Variants in SNTG2 observed in about 807,000 individuals in gnomAD.
The protein encoded by SNTG2 is syntrophin gamma 2.
Under a neutral mutation model 70.9 loss-of-function variants are expected in SNTG2, and 74 were observed. That is an observed-to-expected ratio of 1.04 (90% CI 0.86 to 1.27). SNTG2 has a LOEUF of 1.27. Ranked by LOEUF, SNTG2 falls within the 50% of genes most tolerant of loss-of-function variation. SNTG2 has a pLI of 0.00. For missense variants in SNTG2, 717 were observed against 690.7 expected, an observed-to-expected ratio of 1.04 and a Z score of -0.43; for synonymous variants, 278 against 273.8, an observed-to-expected ratio of 1.02 and a Z score of -0.15.
chr2:1,221,443 G>GCCTCTGCCTC lies in SNTG2; in HGVS notation c.719+12213_719+12214insCCTCTGCCTC, dbSNP rs1674814709. Among the ~76,000 whole-genome samples, 198 of 91,452 alleles carry GCCTCTGCCTC rather than the reference G, an allele frequency of 2.2e-3. 44 individuals are homozygous for GCCTCTGCCTC. The highest frequency in any genetic ancestry group is 3.3e-3 in the Admixed American group (33 of 9,950). 60.0% of individuals were successfully genotyped at this position (91,452 alleles called of 152,430 possible). ...TTTGTCTCTGTCTCTCTCTGTCTCT[G>GCCTCTGCCTC]TCTCTGTCTCTCTCTGTCTCTGTCT... On this transcript the variant is annotated intron_variant, in intron 9 of 16. Transcript: ENST00000308624.
intron 1 of SNTG2, among the ~76,000 whole-genome samples, chr2:980,496 G>A (rs1184382778): frequency 2.6e-5 from 4 of 152,192 alleles, no homozygotes; most frequent in Admixed American, 6.5e-5. Flanking sequence ...CAACATTCAC[G>A]TTTTCATCTT....
At chr2:966,370 C>A (rs1303864081) in intron 1 of SNTG2, among the ~76,000 whole-genome samples, 2 of 151,774 alleles carry the variant, frequency 1.3e-5, no homozygotes, top group Non-Finnish European at 2.9e-5. Flanking sequence ...TTACTTTTGT[C>A]TTTTTTTAAC....
chr2:1,199,424 G>C (rs531621562), intron 8 of SNTG2, among the ~76,000 whole-genome samples: 21 of 152,062 alleles, frequency 1.4e-4, no homozygotes, highest in African/African-American at 4.1e-4. Flanking sequence ...GTAGTGAATG[G>C]GGAAAAGCTG....
intron 1 of SNTG2, among the ~76,000 whole-genome samples, chr2:1,080,467 G>T (rs1282428495): frequency 6.6e-6 from 1 of 152,114 alleles, no homozygotes. Context: ...GCTCTTCTGT[G>T]GTGTGTATGT....
At chr2:1,221,980 TC>T (rs1675060778) in intron 9 of SNTG2, among the ~76,000 whole-genome samples, 1 of 26,016 alleles carries the variant, frequency 3.8e-5, no homozygotes, top group Non-Finnish European at 7.3e-5. Flanking sequence ...TCTGTCTCTG[TC>T]TCTCTCTGTC....
chr2:1,049,602 A>G (rs1287293039), intron 1 of SNTG2, among the ~76,000 whole-genome samples: 3 of 152,208 alleles, frequency 2.0e-5, no homozygotes, highest in Non-Finnish European at 4.4e-5. Flanking sequence ...GCTGCTATAA[A>G]CATTTCTGTG....
At chr2:1,083,723 G>A in intron 2 of SNTG2, 68 bp downstream of exon 2, 1 of 1,575,186 alleles carries the variant, frequency 6.3e-7, no homozygotes, top group Non-Finnish European at 8.7e-7. Flanking sequence ...TCTTTGAAAA[G>A]TGTGGTTCAA....
intron 4 of SNTG2, among the ~76,000 whole-genome samples, chr2:1,124,317 C>T (rs56336710): frequency 0.46 from 68,078 of 147,144 alleles, 16,821 homozygotes; most frequent in East Asian, 0.65. Flanking sequence ...TTTTCTCAGA[C>T]AGAGGCTTGC....
At chr2:1,114,660 G>T (rs1666808737) in intron 4 of SNTG2, among the ~76,000 whole-genome samples, 2 of 151,984 alleles carry the variant, frequency 1.3e-5, no homozygotes, top group South Asian at 4.1e-4. Flanking sequence ...ACTAAGTGAG[G>T]TTTAACCCTT....
At chr2:1,231,191 C>A (rs1006190873) in intron 9 of SNTG2, among the ~76,000 whole-genome samples, 1 of 151,438 alleles carries the variant, frequency 6.6e-6, no homozygotes, top group South Asian at 2.1e-4. Flanking sequence ...AGGGTCACTG[C>A]GAGGGTGAAA....
intron 6 of SNTG2, among the ~76,000 whole-genome samples, chr2:1,148,748 T>A (rs1669264934): frequency 6.6e-6 from 1 of 152,190 alleles, no homozygotes; most frequent in Admixed American, 6.5e-5. Context: ...TGGATGTTCT[T>A]CCAAGCCGGA....
At chr2:1,011,580 A>G (rs1659728891) in intron 1 of SNTG2, among the ~76,000 whole-genome samples, 5 of 152,206 alleles carry the variant, frequency 3.3e-5, no homozygotes, top group Admixed American at 3.3e-4. Flanking sequence ...TGTGAGCAGC[A>G]TAAAAAACTG....
At chr2:1,168,330 A>G (rs1430952569) in intron 7 of SNTG2, among the ~76,000 whole-genome samples, 5 of 152,142 alleles carry the variant, frequency 3.3e-5, no homozygotes, top group African/African-American at 7.2e-5. Context: ...CCGCCCACAG[A>G]CGGCAGAACT....
At chr2:1,152,737 C>T (rs1669597105) in intron 6 of SNTG2, among the ~76,000 whole-genome samples, 1 of 152,122 alleles carries the variant, frequency 6.6e-6, no homozygotes, top group Admixed American at 6.5e-5. Flanking sequence ...AGAGAAATCT[C>T]ACGTTTTGAT....
Position 1,367,434 on chromosome 2 carries a change from ACAGT to A in SNTG2, c.1584_1587del (p.Ser528ArgfsTer17). On this transcript the variant is annotated frameshift_variant, in exon 17 of 17. Coordinates refer to ENST00000308624, the MANE Select transcript of SNTG2 (RefSeq NM_018968.4). LOFTEE classifies it low-confidence loss of function (END_TRUNC). Reference sequence around the variant, plus strand: ...GCCTCCGTGGACCCCGGCTTCATGGACAGTCAGAGTCTTGCCAGAAAATACATGT... The same window carrying A: ...GCCTCCGTGGACCCCGGCTTCATGGACAGAGTCTTGCCAGAAAATACATGT... The A allele has an allele frequency of 6.4e-7, 1 of 1,551,734 alleles. No individual in the cohort carries two copies. Among genetic ancestry groups the A allele is most frequent in the Non-Finnish European group, 8.7e-7 (1 of 1,147,006 alleles).
chr2:1,352,516 T>C (rs1044184474), intron 16 of SNTG2, among the ~76,000 whole-genome samples: 1 of 152,232 alleles, frequency 6.6e-6, no homozygotes, highest in Non-Finnish European at 1.5e-5. Flanking sequence ...CCTGCGAGTG[T>C]AAACTCAGTA....
In SNTG2 at chr2:1,209,149, A is replaced by G. The variant is rs765788632; in HGVS notation, c.638A>G (p.Glu213Gly). The G allele has an allele frequency of 1.6e-5, 26 of 1,613,802 alleles. No homozygotes were observed. The Admixed American group carries it at 4.3e-4, about 27-fold the overall frequency. The change falls in exon 9 of 17, where the codon GAG (glutamate) becomes GGG (glycine). Residue 213 changes from glutamate (E) to glycine (G), a missense_variant. Physicochemically the swap from Glu to Gly is moderately conservative, Grantham distance 98. Transcript: ENST00000308624. ...SSPIAKDPRY[E>G]KRWLDTLSVP... ...CCCATAGCTAAGGACCCGAGGTATG[A>G]GAAGCGCTGGCTGGACACCTTGTCC...
intron 14 of SNTG2, among the ~76,000 whole-genome samples, chr2:1,271,197 C>G (rs147322624): frequency 1.6e-3 from 244 of 152,258 alleles, no homozygotes; most frequent in Non-Finnish European, 3.0e-3. Flanking sequence ...AATAACAGAC[C>G]TTCCATGTTC....
intron 4 of SNTG2, among the ~76,000 whole-genome samples, chr2:1,121,381 G>C (rs1182559284): frequency 2.6e-5 from 4 of 151,858 alleles, no homozygotes; most frequent in Non-Finnish European, 4.4e-5. Context: ...TTTACAGAAG[G>C]AAGGAAAGAG....
Sources: allele counts gnomAD v4.1 joint callset (sites outside exome capture counted in the v4.1 genomes callset), GRCh38; gene constraint gnomAD v4.1.1; transcripts MANE v1.5; gene names NCBI Gene and HGNC (gene_info 2026-07-23, HGNC 2026-07-21).